Variants in DIS3 observed in about 807,000 individuals in gnomAD.
DIS3 encodes DIS3 exosome endoribonuclease and 3'-5' exoribonuclease, also known as exosome complex exonuclease RRP44.
In DIS3, 103 loss-of-function variants were observed where a neutral mutation model predicts 113.0. That is an observed-to-expected ratio of 0.91 (90% CI 0.78 to 1.07). DIS3 has a LOEUF of 1.07. Among genes scored for constraint, DIS3 ranks in the 50% least tolerant of loss-of-function variants. The pLI is 0.00. For missense variants in DIS3, 1,121 were observed against 1,167.1 expected, an observed-to-expected ratio of 0.96 and a Z score of 0.58; for synonymous variants, 402 against 394.3, an observed-to-expected ratio of 1.02 and a Z score of -0.23.
rs1004216474 is a variant in DIS3, at chr13:72,752,788, G to A, written c.*7007C>T. 2.6e-5 allele frequency: 4 copies of A among 152,006 alleles called. No homozygotes were observed. Among genetic ancestry groups the A allele is most frequent in the South Asian group, 2.1e-4 (1 of 4,826 alleles). The allele number at this position is 152,006 out of a possible 1,614,324, so 9.4% of individuals were successfully genotyped here. A position where few individuals can be genotyped will look rare whatever the true frequency, so the allele number is the denominator to read the frequency against. Reference sequence around the variant, plus strand: ...GGATTATTAAGTGATAAAGAGTGCCGTTTCTAGGCTAGTCTGTACCTTTGT... The same window carrying A: ...GGATTATTAAGTGATAAAGAGTGCCATTTCTAGGCTAGTCTGTACCTTTGT... On this transcript the variant is annotated 3_prime_UTR_variant, in exon 21 of 21. Transcript: ENST00000377767.
chr13:72,764,101 G>A (rs1012209943), intron 15 of DIS3, among the ~76,000 whole-genome samples: 2 of 152,012 alleles, frequency 1.3e-5, no homozygotes, highest in South Asian at 2.1e-4. Flanking sequence ...GCAGTGAGCC[G>A]AGATCGCATC....
In DIS3 at chr13:72,753,128, A is replaced by G. The variant is rs1297874747; in HGVS notation, c.*6667T>C. ...GCCTGGCCTTTTTAGACACTCAATA[A>G]ATGTTTCCAAGCTGGAAGTTCGCTA... On this transcript the variant is annotated 3_prime_UTR_variant, in exon 21 of 21. Coordinates refer to ENST00000377767, the MANE Select transcript of DIS3 (RefSeq NM_014953.5). 1 of 152,276 alleles carries G rather than the reference A, an allele frequency of 6.6e-6. No individual in the cohort carries two copies. Among genetic ancestry groups the G allele is most frequent in the East Asian group, 1.9e-4 (1 of 5,204 alleles). The allele number at this position is 152,276 out of a possible 1,614,324, so 9.4% of individuals were successfully genotyped here. A position where few individuals can be genotyped will look rare whatever the true frequency, so the allele number is the denominator to read the frequency against.
Position 72,756,894 on chromosome 13 carries a change from C to T in DIS3, c.*2901G>A, listed in dbSNP as rs753046137. The T allele has an allele frequency of 1.3e-5, 2 of 152,128 alleles. No homozygotes were observed. The highest frequency in any genetic ancestry group is 1.9e-4 in the East Asian group (1 of 5,204). 9.4% of individuals were successfully genotyped at this position (152,128 alleles called of 1,614,324 possible). A position where few individuals can be genotyped will look rare whatever the true frequency, so the allele number is the denominator to read the frequency against. On this transcript the variant is annotated 3_prime_UTR_variant, in exon 21 of 21. Coordinates refer to ENST00000377767, the MANE Select transcript of DIS3 (RefSeq NM_014953.5). ...AATTACCCAGTTTGGGGTATTTCTT[C>T]GTAGCAGTGTGAGAACAGACCATAA...
At chr13:72,759,955 A>G in intron 20 of DIS3, 77 bp from the exon 21 acceptor site, 1 of 1,153,558 alleles carries the variant, frequency 8.7e-7, no homozygotes, top group Admixed American at 2.0e-5. Flanking sequence ...CCCCTTCCCC[A>G]CTGCCAGCTT....
rs1217450582 is a variant in DIS3, at chr13:72,753,975, T to C, written c.*5820A>G. ...CTTAACATCCAATAACCTTTAAATA[T>C]TTTGGTTACTCTGAATACACAAGTA... is the stretch of plus-strand genomic sequence containing the variant. On this transcript the variant is annotated 3_prime_UTR_variant, in exon 21 of 21. Transcript: ENST00000377767. 3 of 786,420 alleles carry C rather than the reference T, an allele frequency of 3.8e-6. No individual in the cohort carries two copies. The highest frequency in any genetic ancestry group is 2.8e-5 in the East Asian group (1 of 35,418). The allele number at this position is 786,420 out of a possible 1,614,324, so 48.7% of individuals were successfully genotyped here.
Position 72,755,216 on chromosome 13 carries a change from GA to G in DIS3, c.*4578del. 6.2e-7 allele frequency: 1 copy of G among 1,609,994 alleles called. No homozygotes were observed. The highest frequency in any genetic ancestry group is 8.5e-7 in the Non-Finnish European group (1 of 1,176,628). ...GCCCTTTTCAATGCAGCAGTCCATAGAATGCCTCTGTCAGAATCAAAGACTA... is the reference window on the plus strand; with the variant it reads ...GCCCTTTTCAATGCAGCAGTCCATAGATGCCTCTGTCAGAATCAAAGACTA... On this transcript the variant is annotated 3_prime_UTR_variant, in exon 21 of 21. Transcript: ENST00000377767.
At chr13:72,770,258 T>C (rs2033852499) in intron 13 of DIS3, among the ~76,000 whole-genome samples, 1 of 152,032 alleles carries the variant, frequency 6.6e-6, no homozygotes, top group Admixed American at 6.6e-5. Flanking sequence ...CTGAATCACA[T>C]CAAAAATTAT....
At position 72,755,609 on chromosome 13, in the gene DIS3, A is replaced by G. The variant is rs1176277606; in HGVS notation, c.*4186T>C. 2.8e-6 allele frequency: 1 copy of G among 351,638 alleles called. No individual in the cohort carries two copies. 21.8% of individuals were successfully genotyped at this position (351,638 alleles called of 1,614,324 possible). On this transcript the variant is annotated 3_prime_UTR_variant, in exon 21 of 21. Coordinates refer to ENST00000377767, the MANE Select transcript of DIS3 (RefSeq NM_014953.5). Reference sequence around the variant, plus strand: ...AACTGAAGGCACTATATATTTTTACATAAAAGCTTGAACATACAGATGAAT... The same window carrying G: ...AACTGAAGGCACTATATATTTTTACGTAAAAGCTTGAACATACAGATGAAT...
At chr13:72,773,171 T>C (rs2033927653) in intron 8 of DIS3, among the ~76,000 whole-genome samples, 2 of 152,270 alleles carry the variant, frequency 1.3e-5, no homozygotes, top group African/African-American at 2.4e-5. Flanking sequence ...ACTTATAGGT[T>C]TAAAAACTTA....
rs1285045019 is a variant in DIS3, at chr13:72,762,075, A to C, written c.2190T>G (p.Ser730=). 1 of 1,614,130 alleles carries C rather than the reference A, an allele frequency of 6.2e-7. No individual in the cohort carries two copies. Among genetic ancestry groups the C allele is most frequent in the South Asian group, 1.1e-5 (1 of 91,080 alleles). Residue 730 remains serine (S), a synonymous_variant, in exon 17 of 21, where the codon TCT becomes TCG. Coordinates refer to ENST00000377767, the MANE Select transcript of DIS3 (RefSeq NM_014953.5). The part of the protein sequence containing the change: ...SLAESLDQAE[S]PTFPYLNTLL... ...GAGTGTTTAGATATGGAAAAGTAGG[A>C]GATTCGGCCTGATCCAAAGACTCAG...
Position 72,768,917 on chromosome 13 carries a change from A to G in DIS3, c.1756-5T>C. 6.4e-7 allele frequency: 1 copy of G among 1,567,216 alleles called. No individual in the cohort carries two copies. The highest frequency in any genetic ancestry group is 1.4e-5 in the African/African-American group (1 of 73,352). Reference sequence around the variant, plus strand: ...TTCAGCATACGTCAGAGATGCCTAAAAAAGAAAATGTATGTTATATAATTC... The same window carrying G: ...TTCAGCATACGTCAGAGATGCCTAAGAAAGAAAATGTATGTTATATAATTC... On this transcript the variant is annotated splice_region_variant and splice_polypyrimidine_tract_variant and intron_variant, in intron 13 of 20. Transcript: ENST00000377767.
Position 72,755,993 on chromosome 13 carries a change from G to A in DIS3, c.*3802C>T, listed in dbSNP as rs1046373377. ...GTGGGGCTGGGAGAGTGGAGTTCCC[G>A]TAGGGCATAGGCCTGTGAAGTAACA... On this transcript the variant is annotated 3_prime_UTR_variant, in exon 21 of 21. Coordinates refer to ENST00000377767, the MANE Select transcript of DIS3 (RefSeq NM_014953.5). 39 of 398,436 alleles carry A rather than the reference G, an allele frequency of 9.8e-5. No homozygotes were observed. The highest frequency in any genetic ancestry group is 1.9e-4 in the African/African-American group (9 of 48,622). The allele number at this position is 398,436 out of a possible 1,614,324, so 24.7% of individuals were successfully genotyped here. A position where few individuals can be genotyped will look rare whatever the true frequency, so the allele number is the denominator to read the frequency against.
chr13:72,781,172 C>T, intron 1 of DIS3, 169 bp from the exon 2 acceptor site: 1 of 1,397,868 alleles, frequency 7.2e-7, no homozygotes, highest in Non-Finnish European at 9.9e-7. Context: ...TCACTAAACC[C>T]TTCAGATCTA....
At position 72,759,424 on chromosome 13, in the gene DIS3, G is replaced by A. The variant is rs898307769; in HGVS notation, c.*371C>T. The A allele has an allele frequency of 4.4e-6, 1 of 229,660 alleles. No individual in the cohort carries two copies. Among genetic ancestry groups the A allele is most frequent in the Non-Finnish European group, 8.6e-6 (1 of 116,176 alleles). 14.2% of individuals were successfully genotyped at this position (229,660 alleles called of 1,614,324 possible). On this transcript the variant is annotated 3_prime_UTR_variant, in exon 21 of 21. Transcript: ENST00000377767. ...TAAAATTGTTCTATTTTCCTCTGTA[G>A]GAAAATGAAAGTTTTTTCTTACAAA...
In DIS3 at chr13:72,755,059, C is replaced by A. The variant is rs1006978114; in HGVS notation, c.*4736G>T. 6.0e-6 allele frequency: 6 copies of A among 994,576 alleles called. No individual in the cohort carries two copies. The highest frequency in any genetic ancestry group is 1.3e-5 in the South Asian group (1 of 74,418). The allele number at this position is 994,576 out of a possible 1,614,324, so 61.6% of individuals were successfully genotyped here. Reference sequence around the variant, plus strand: ...TCCCTTCAGAGTTCAGCTAAAGAAACGTGCTTTTAGGTTTTAAAAACAGTC... The same window carrying A: ...TCCCTTCAGAGTTCAGCTAAAGAAAAGTGCTTTTAGGTTTTAAAAACAGTC... On this transcript the variant is annotated 3_prime_UTR_variant, in exon 21 of 21. Coordinates refer to ENST00000377767, the MANE Select transcript of DIS3 (RefSeq NM_014953.5).
intron 8 of DIS3, 101 bp downstream of exon 8, chr13:72,773,583 C>T (rs2033936054): frequency 2.3e-6 from 3 of 1,318,948 alleles, no homozygotes; most frequent in Non-Finnish European, 1.0e-6. Context: ...AATTTCAGTA[C>T]AAATTCTACA....
intron 16 of DIS3, among the ~76,000 whole-genome samples, chr13:72,762,919 G>C (rs910652275): frequency 9.2e-5 from 14 of 152,176 alleles, no homozygotes; most frequent in Non-Finnish European, 1.9e-4. Context: ...ATAAAGACAA[G>C]GAAACATGGA....
Position 72,780,905 on chromosome 13 carries a change from G to A in DIS3, c.327C>T (p.Ile109=). ...TCTCTTGGTTATTAGTCACATCTCG[G>A]ATGCGTTTATATACGGGGGCACTGC... The part of the protein sequence containing the change: ...RNRSAPVYKR[I]RDVTNNQEKH... The change falls in exon 2 of 21, where the codon ATC becomes ATT. Residue 109 remains isoleucine, a synonymous_variant. Transcript: ENST00000377767. The A allele has an allele frequency of 1.2e-6, 2 of 1,612,318 alleles. No homozygotes were observed. The highest frequency in any genetic ancestry group is 2.2e-5 in the South Asian group (2 of 90,886).
chr13:72,781,501 G>A, intron 1 of DIS3, 104 bp downstream of exon 1: 1 of 1,426,744 alleles, frequency 7.0e-7, no homozygotes, highest in Non-Finnish European at 9.3e-7. Context: ...CTTTCGCTAG[G>A]TATGTGACAC....
Sources: gnomAD v4.1 joint callset for allele counts (sites outside exome capture counted in the v4.1 genomes callset) on GRCh38, gnomAD v4.1.1 for gene constraint, MANE v1.5 for transcripts, NCBI Gene and HGNC (gene_info 2026-07-23, HGNC 2026-07-21) for gene names.